Variants in DENND5A observed in about 807,000 individuals in gnomAD.
DENND5A encodes DENN domain containing 5A.
Under a neutral mutation model 140.3 loss-of-function variants are expected in DENND5A, and 64 were observed. The observed-to-expected ratio is 0.46, with a 90% confidence interval of 0.37 to 0.56. The LOEUF is 0.56. Among genes scored for constraint, DENND5A ranks in the 20% least tolerant of loss-of-function variants. The pLI is 0.00. For synonymous variants in DENND5A, 605 were observed against 607.7 expected, an observed-to-expected ratio of 1.00 and a Z score of 0.07; for missense variants, 1,292 against 1,593.8, an observed-to-expected ratio of 0.81 and a Z score of 3.22.
intron 1 of DENND5A, chr11:9,242,411 C>G (rs914263772): frequency 6.6e-6 from 1 of 152,200 alleles, no homozygotes; most frequent in Non-Finnish European, 1.5e-5. Context: ...TTGGCTTACA[C>G]GCCTAACCCC....
At position 9,180,926 on chromosome 11, in the gene DENND5A, G is replaced by A. The variant is rs1055122456; in HGVS notation, c.1296C>T (p.Ala432=). The stretch of plus-strand genomic sequence containing the variant: ...AGGCCCGCAGCCTCTTCAGCTTGGA[G>A]GCACTCTCACTGCAATGAAGATTCC... ...PEGNLHCSES[A]SKLKRLRASE... is the part of the protein sequence containing the mutation. Residue 432 remains alanine, a synonymous_variant, in exon 6 of 23, where the codon GCC becomes GCT. Transcript: ENST00000328194. 1 of 1,614,176 alleles carries A rather than the reference G, an allele frequency of 6.2e-7. No individual in the cohort carries two copies. The highest frequency in any genetic ancestry group is 1.3e-5 in the African/African-American group (1 of 75,040).
At chr11:9,175,675 T>G (rs1294160167) in intron 8 of DENND5A, 2 of 152,176 alleles carry the variant, frequency 1.3e-5, no homozygotes, top group Admixed American at 6.5e-5. Context: ...AATCCAGAAG[T>G]AGACGAACAC....
rs758322402 is a variant in DENND5A at position 9,180,966 on chromosome 11, C to A, written c.1256G>T (p.Gly419Val). 2.5e-6 allele frequency: 4 copies of A among 1,614,102 alleles called. No individual in the cohort carries two copies. The highest frequency in any genetic ancestry group is 3.3e-4 in the Middle Eastern group (2 of 6,062). ...ATGAAGATTCCCTTCAGGGGGAATT[C>A]CAAATGCCATGAGAATCTCAGAGAC... is the stretch of plus-strand genomic sequence containing the variant. ...QEVSEILMAFGIPPEGNLHCS... is the reference protein window; with the variant it reads ...QEVSEILMAFVIPPEGNLHCS... Residue 419 changes from glycine to valine, a missense_variant, in exon 6 of 23, where the codon GGA (glycine) becomes GTA (valine). This residue lies in a region of DENND5A where 566 missense variants were observed against 650.4 expected (regional missense o/e 0.87). Coordinates refer to ENST00000328194, the MANE Select transcript of DENND5A (RefSeq NM_015213.4).
intron 1 of DENND5A, among the ~76,000 whole-genome samples, chr11:9,260,472 C>T (rs1852149417): frequency 5.9e-5 from 9 of 152,134 alleles, no homozygotes; most frequent in Admixed American, 5.9e-4. Context: ...TCATCTGCCT[C>T]CCCACTTACG....
intron 1 of DENND5A, among the ~76,000 whole-genome samples, chr11:9,213,250 C>A (rs953489846): frequency 1.3e-5 from 2 of 151,916 alleles, no homozygotes; most frequent in Non-Finnish European, 2.9e-5. Context: ...AGGCAATCCA[C>A]CCGCCTCAGC....
intron 1 of DENND5A, chr11:9,242,674 AC>A (rs925639396): frequency 2.0e-5 from 3 of 152,210 alleles, no homozygotes; most frequent in African/African-American, 7.2e-5. Flanking sequence ...CAATAAAAAA[AC>A]AACCATTAAC....
intron 22 of DENND5A, chr11:9,140,329 C>T (rs1564876261): frequency 1.5e-6 from 1 of 677,726 alleles, no homozygotes; most frequent in Non-Finnish European, 2.3e-6. Flanking sequence ...AGTAGCTTGT[C>T]CAAGATCACA....
At chr11:9,164,048 T>G (rs1217001911) in intron 11 of DENND5A, among the ~76,000 whole-genome samples, 3 of 138,546 alleles carry the variant, frequency 2.2e-5, no homozygotes, top group African/African-American at 7.9e-5. Flanking sequence ...TACTGATATA[T>G]TAATCAGGTT....
At chr11:9,248,423 G>A (rs1332559468) in intron 1 of DENND5A, among the ~76,000 whole-genome samples, 1 of 152,010 alleles carries the variant, frequency 6.6e-6, no homozygotes, top group African/African-American at 2.4e-5. Flanking sequence ...AGCTGAGGTA[G>A]GAGGATCCCT....
chr11:9,233,598 A>C (rs1392064759), intron 1 of DENND5A, among the ~76,000 whole-genome samples: 1 of 152,062 alleles, frequency 6.6e-6, no homozygotes, highest in African/African-American at 2.4e-5. Context: ...TGTACCCAAA[A>C]TACCATGATA....
At position 9,147,088 on chromosome 11, in the gene DENND5A, G is replaced by A. The variant is rs760999636; in HGVS notation, c.2799C>T (p.His933=). The part of the protein sequence containing the change: ...CDDEKEQFLY[H]LLSFNAVDYF... The stretch of plus-strand genomic sequence containing the variant: ...AATCGACGGCATTGAAAGACAGGAG[G>A]TGATAGAGGAACTGCTCCTTCTCGT... Residue 933 remains histidine (H), a synonymous_variant, in exon 16 of 23, where the codon CAC becomes CAT. Transcript: ENST00000328194. 9.9e-6 allele frequency: 16 copies of A among 1,613,946 alleles called. No individual in the cohort carries two copies. The highest frequency in any genetic ancestry group is 1.3e-5 in the Non-Finnish European group (15 of 1,179,900).
At chr11:9,204,806 G>T (rs1213505480) in intron 3 of DENND5A, among the ~76,000 whole-genome samples, 4 of 152,172 alleles carry the variant, frequency 2.6e-5, no homozygotes. Flanking sequence ...AGGTTGCAGT[G>T]AGCCAAGATC....
Position 9,144,272 on chromosome 11 carries a change from C to G in DENND5A, c.3129G>C (p.Pro1043=), listed in dbSNP as rs754200256. The G allele has an allele frequency of 6.2e-7, 1 of 1,613,886 alleles. No homozygotes were observed. The highest frequency in any genetic ancestry group is 1.1e-5 in the South Asian group (1 of 91,070). ...TGCCCTTCCCTAACCACCGGCCACA[C>G]GGGAACCTGAAGATCAGACAATGGA... ...NEITGHTYKF[P]CGRWLGKGMD... Residue 1043 remains proline (P), a synonymous_variant, in exon 19 of 23, where the codon CCG becomes CCC. Coordinates refer to ENST00000328194, the MANE Select transcript of DENND5A (RefSeq NM_015213.4).
At chr11:9,248,063 A>T (rs1256085498) in intron 1 of DENND5A, among the ~76,000 whole-genome samples, 3 of 152,006 alleles carry the variant, frequency 2.0e-5, no homozygotes, top group South Asian at 2.1e-4. Flanking sequence ...TCTCACTGCA[A>T]CCTCTGCCTC....
At chr11:9,143,620 T>C in intron 19 of DENND5A, 135 bp from the exon 20 acceptor site, 2 of 716,350 alleles carry the variant, frequency 2.8e-6, no homozygotes, top group South Asian at 3.2e-5. Context: ...GCAGAGGCGC[T>C]TGCCCACCCA....
chr11:9,184,213 C>T lies in DENND5A; in HGVS notation c.1138-3129G>A, dbSNP rs550040061. Among the ~76,000 whole-genome samples, 693 of 152,040 alleles carry T rather than the reference C, an allele frequency of 4.6e-3. 4 individuals are homozygous for T. The highest frequency in any genetic ancestry group is 5.6e-3 in the Non-Finnish European group (378 of 67,966). The stretch of plus-strand genomic sequence containing the variant: ...TAAAAATGCAAAAAAATTAGCCGGG[C>T]GTGGTGGCGGGTGCCTATAGTCCCA... On this transcript the variant is annotated intron_variant, in intron 5 of 22. Transcript: ENST00000328194.
chr11:9,165,177 T>C (rs1370742423), intron 11 of DENND5A, among the ~76,000 whole-genome samples: 1 of 152,090 alleles, frequency 6.6e-6, no homozygotes, highest in Non-Finnish European at 1.5e-5. Context: ...ATTTTTTGTG[T>C]CTTTAGTAGA....
chr11:9,194,845 G>A (rs1030590779), intron 4 of DENND5A, among the ~76,000 whole-genome samples: 1 of 150,000 alleles, frequency 6.7e-6, no homozygotes, highest in African/African-American at 2.4e-5. Context: ...TCAGCCTCCC[G>A]AGTAGCTGGG....
At chr11:9,257,716 T>G (rs1322533523) in intron 1 of DENND5A, among the ~76,000 whole-genome samples, 2 of 151,332 alleles carry the variant, frequency 1.3e-5, no homozygotes, top group Non-Finnish European at 2.9e-5. Flanking sequence ...TCTCCTGACC[T>G]TGTGATCCGC....
Sources: gnomAD v4.1 joint callset for allele counts (sites outside exome capture counted in the v4.1 genomes callset) on GRCh38, gnomAD v4.1.1 for gene constraint, gnomAD v4.1.1 regional missense constraint, MANE v1.5 for transcripts, NCBI Gene and HGNC (gene_info 2026-07-23, HGNC 2026-07-21) for gene names.